SERGEF: variants seen among roughly 807,000 people sequenced by gnomAD.
The protein encoded by SERGEF is secretion regulating guanine nucleotide exchange factor.
In SERGEF, 51 loss-of-function variants were observed where a neutral mutation model predicts 50.0. That is an observed-to-expected ratio of 1.02 (90% CI 0.81 to 1.29). The LOEUF is 1.29. Among genes scored for constraint, SERGEF ranks in the 50% most tolerant of loss-of-function variants. The pLI is 0.00. For missense variants in SERGEF, 521 were observed against 557.0 expected, an observed-to-expected ratio of 0.94 and a Z score of 0.65; for synonymous variants, 205 against 212.4, an observed-to-expected ratio of 0.97 and a Z score of 0.30.
intron 9 of SERGEF, among the ~76,000 whole-genome samples, chr11:17,906,484 G>A (rs1423575727): frequency 1.3e-5 from 2 of 151,946 alleles, no homozygotes; most frequent in Admixed American, 6.6e-5. Flanking sequence ...TGCAAAGGGG[G>A]TTGGTGGGGT....
intron 4 of SERGEF, among the ~76,000 whole-genome samples, chr11:18,003,659 C>T (rs981004844): frequency 1.8e-4 from 28 of 152,096 alleles, no homozygotes; most frequent in Non-Finnish European, 2.8e-4. Flanking sequence ...GCCGGGATCG[C>T]GCCACTGCAC....
intron 4 of SERGEF, among the ~76,000 whole-genome samples, chr11:18,003,100 C>T (rs1322559532): frequency 6.6e-6 from 1 of 152,172 alleles, no homozygotes; most frequent in South Asian, 2.1e-4. Context: ...AACCATGACC[C>T]GAAATAACAG....
At chr11:17,816,200 CT>C (rs1185163463) in intron 10 of SERGEF, among the ~76,000 whole-genome samples, 3 of 152,136 alleles carry the variant, frequency 2.0e-5, no homozygotes, top group Admixed American at 2.0e-4. Context: ...ACCATGGTGT[CT>C]CCTGAGAAAG....
intron 9 of SERGEF, among the ~76,000 whole-genome samples, chr11:17,908,350 G>A (rs1307313782): frequency 6.6e-6 from 1 of 151,694 alleles, no homozygotes; most frequent in Non-Finnish European, 1.5e-5. Context: ...AGCTCTTTTT[G>A]CCTGAAACTC....
intron 10 of SERGEF, among the ~76,000 whole-genome samples, chr11:17,843,163 T>G (rs940958121): frequency 2.0e-5 from 3 of 152,176 alleles, no homozygotes; most frequent in African/African-American, 7.2e-5. Flanking sequence ...CAAGTGGGGA[T>G]CCACCAAGAT....
chr11:17,805,904 A>C (rs1364381274), intron 10 of SERGEF, among the ~76,000 whole-genome samples: 1 of 152,260 alleles, frequency 6.6e-6, no homozygotes, highest in African/African-American at 2.4e-5. Flanking sequence ...TTATAAAGTT[A>C]GATGTCAGTT....
intron 4 of SERGEF, chr11:18,000,856 T>C: frequency 1.8e-6 from 1 of 543,954 alleles, no homozygotes; most frequent in Non-Finnish European, 3.5e-6. Flanking sequence ...GGACAGTTAG[T>C]AAATGTTTTA....
intron 10 of SERGEF, among the ~76,000 whole-genome samples, chr11:17,829,221 G>A (rs1466431965): frequency 1.3e-5 from 2 of 152,128 alleles, no homozygotes; most frequent in East Asian, 3.8e-4. Context: ...AGACTTCAAT[G>A]TCCTAATCAA....
At chr11:18,012,785 C>CCCAACAA in intron 1 of SERGEF, 166 bp downstream of exon 1, 1 of 1,141,352 alleles carries the variant, frequency 8.8e-7, no homozygotes, top group Non-Finnish European at 1.2e-6. Flanking sequence ...CCCCGCCCGC[C>CCCAACAA]CGCTCCTCCT....
intron 8 of SERGEF, among the ~76,000 whole-genome samples, chr11:17,962,361 C>T (rs775120306): frequency 6.6e-6 from 1 of 151,818 alleles, no homozygotes; most frequent in Non-Finnish European, 1.5e-5. Context: ...ACAATGAATC[C>T]ACATATAAAA....
intron 10 of SERGEF, among the ~76,000 whole-genome samples, chr11:17,806,619 C>T (rs528922894): frequency 1.3e-5 from 2 of 152,266 alleles, no homozygotes; most frequent in South Asian, 4.2e-4. Flanking sequence ...AAGCATCTTC[C>T]CATCTGAAAT....
chr11:18,008,885 G>A (rs1438828652), intron 1 of SERGEF, among the ~76,000 whole-genome samples: 1 of 152,054 alleles, frequency 6.6e-6, no homozygotes, highest in African/African-American at 2.4e-5. Context: ...AAAGTTCCAG[G>A]AGAAGCTGCT....
At chr11:17,986,829 T>C (rs623143) in intron 8 of SERGEF, among the ~76,000 whole-genome samples, 35,046 of 152,160 alleles carry the variant, frequency 0.23, 4,554 homozygotes, top group African/African-American at 0.35. Flanking sequence ...ACTTTTGCCC[T>C]TTGTACTTAG....
At chr11:17,873,942 A>G (rs959314615) in intron 10 of SERGEF, among the ~76,000 whole-genome samples, 10 of 152,204 alleles carry the variant, frequency 6.6e-5, no homozygotes, top group Non-Finnish European at 1.0e-4. Context: ...CAACAGCTGG[A>G]GCCAATTCAT....
chr11:17,864,413 T>C (rs995834184), intron 10 of SERGEF, among the ~76,000 whole-genome samples: 3 of 152,184 alleles, frequency 2.0e-5, no homozygotes, highest in African/African-American at 7.2e-5. Context: ...TCCACCTTGA[T>C]TGAGAGGTAA....
intron 1 of SERGEF, among the ~76,000 whole-genome samples, chr11:18,008,624 G>A (rs540554210): frequency 6.6e-6 from 1 of 152,124 alleles, no homozygotes; most frequent in Non-Finnish European, 1.5e-5. Flanking sequence ...GCCAGGAAAA[G>A]AGAGGCCATC....
At chr11:17,883,731 C>G (rs537302) in intron 9 of SERGEF, among the ~76,000 whole-genome samples, 105,213 of 152,104 alleles carry the variant, frequency 0.69, 37,195 homozygotes, top group African/African-American at 0.83. Flanking sequence ...GGGACGTAAG[C>G]CTGGGAGAGC....
chr11:17,981,316 T>C lies in SERGEF; in HGVS notation c.844+7281A>G, dbSNP rs142648899. Among the ~76,000 whole-genome samples, 6 of 152,346 alleles carry C rather than the reference T, an allele frequency of 3.9e-5. No individual in the cohort carries two copies. In the East Asian group the frequency reaches 9.6e-4, roughly 24 times the overall value. On this transcript the variant is annotated intron_variant, in intron 8 of 10. Coordinates refer to ENST00000265965, the MANE Select transcript of SERGEF (RefSeq NM_012139.4). ...CTAAAGGACTAAAGATACCTATGAA[T>C]TTCCTTCCAATTGCTTGCCGAAATG...
intron 9 of SERGEF, among the ~76,000 whole-genome samples, chr11:17,906,940 G>A (rs1851857226): frequency 6.6e-6 from 1 of 151,992 alleles, no homozygotes; most frequent in Non-Finnish European, 1.5e-5. Context: ...TGTCCTTGGA[G>A]CCACAGTTGT....
Sources: gnomAD v4.1 joint callset for allele counts (sites outside exome capture counted in the v4.1 genomes callset) on GRCh38, gnomAD v4.1.1 for gene constraint, MANE v1.5 for transcripts, NCBI Gene and HGNC (gene_info 2026-07-23, HGNC 2026-07-21) for gene names.